Variants in RBFOX1 observed in about 807,000 individuals in gnomAD.
The protein encoded by RBFOX1 is RNA binding fox-1 homolog 1, also known as RNA binding protein fox-1 homolog 1.
In RBFOX1, 8 loss-of-function variants were observed where a neutral mutation model predicts 57.7. The observed-to-expected ratio is 0.14, with a 90% CI of 0.08 to 0.25. The LOEUF (loss-of-function observed/expected upper bound fraction) is 0.25, where lower values mean the gene tolerates loss of function less well. RBFOX1 is among the 10% of genes least tolerant of loss of function. The pLI is 1.00. For synonymous variants in RBFOX1, 326 were observed against 222.4 expected (o/e 1.47, Z -4.15); for missense variants, 611 against 548.5 (o/e 1.11, Z -1.14).
At chr16:6,149,949 G>A (rs1428123861) in intron 1 of RBFOX1, among the ~76,000 whole-genome samples, 1 of 152,160 alleles carries the variant, frequency 6.6e-6, no homozygotes, top group Non-Finnish European at 1.5e-5. Flanking sequence ...TTCAGATGGA[G>A]GTAAGAAAAT....
intron 3 of RBFOX1, among the ~76,000 whole-genome samples, chr16:5,831,737 A>T (rs762148876): frequency 7.2e-5 from 11 of 151,990 alleles, no homozygotes; most frequent in Non-Finnish European, 1.5e-4. Context: ...ACCTAGCCTA[A>T]ACCTCTTTTC....
chr16:6,964,205 G>C (rs930044112), intron 3 of RBFOX1, among the ~76,000 whole-genome samples: 3 of 151,918 alleles, frequency 2.0e-5, no homozygotes, highest in Non-Finnish European at 4.4e-5. Flanking sequence ...TTTTAGTAGA[G>C]ATGGGGTTTC....
At chr16:6,136,065 G>C (rs1441627254) in intron 1 of RBFOX1, among the ~76,000 whole-genome samples, 1 of 152,112 alleles carries the variant, frequency 6.6e-6, no homozygotes, top group Non-Finnish European at 1.5e-5. Context: ...AACGTGCTGG[G>C]ATTACAGGCT....
chr16:5,773,729 G>A (rs776727414), intron 3 of RBFOX1, among the ~76,000 whole-genome samples: 25 of 152,116 alleles, frequency 1.6e-4, no homozygotes, highest in East Asian at 1.5e-3. Flanking sequence ...ACAGAGTCTC[G>A]CTCTGTTGCC....
At chr16:7,123,305 A>G (rs1600177645) in intron 4 of RBFOX1, among the ~76,000 whole-genome samples, 1 of 152,306 alleles carries the variant, frequency 6.6e-6, no homozygotes, top group East Asian at 1.9e-4. Context: ...AACATTACAC[A>G]TTTAAAAATA....
chr16:7,046,394 C>T (rs1446921408), intron 3 of RBFOX1, among the ~76,000 whole-genome samples: 1 of 152,034 alleles, frequency 6.6e-6, no homozygotes, highest in African/African-American at 2.4e-5. Flanking sequence ...TATTTTGCCT[C>T]TTTAGTTGGA....
chr16:6,462,845 C>T (rs376206887), intron 2 of RBFOX1, among the ~76,000 whole-genome samples: 10 of 152,182 alleles, frequency 6.6e-5, no homozygotes, highest in Non-Finnish European at 8.8e-5. Context: ...ATGTTCTTGA[C>T]GACTAATTAT....
chr16:6,255,140 G>T (rs1335069454), intron 1 of RBFOX1, among the ~76,000 whole-genome samples: 1 of 152,090 alleles, frequency 6.6e-6, no homozygotes, highest in African/African-American at 2.4e-5. Flanking sequence ...AAAGTCTGTG[G>T]ATTAGAAGGG....
intron 4 of RBFOX1, among the ~76,000 whole-genome samples, chr16:7,307,343 A>G (rs887535249): frequency 7.2e-5 from 11 of 152,176 alleles, no homozygotes; most frequent in Non-Finnish European, 1.5e-4. Flanking sequence ...CTAAATTCTC[A>G]CAGATTTATC....
Position 6,318,191 on chromosome 16 carries a change from G to A in RBFOX1, c.-64+1134G>A, listed in dbSNP as rs141799437. Among the ~76,000 whole-genome samples, 54 of 152,300 alleles carry A rather than the reference G, an allele frequency of 3.5e-4. No homozygotes were observed. The East Asian group carries it at 9.1e-3, about 26-fold the overall frequency. Reference sequence around the variant, plus strand: ...GTTAGCTACATCAGAATGACTTAGCGTAACCCTGATCAGCTAACGCTTGTA... The same window carrying A: ...GTTAGCTACATCAGAATGACTTAGCATAACCCTGATCAGCTAACGCTTGTA... On this transcript the variant is annotated intron_variant, in intron 2 of 15. Transcript: ENST00000550418.
intron 4 of RBFOX1, among the ~76,000 whole-genome samples, chr16:7,218,889 G>A (rs1395581919): frequency 6.6e-6 from 1 of 152,138 alleles, no homozygotes; most frequent in Admixed American, 6.5e-5. Context: ...TGCATCGCAT[G>A]CAGTTAGCAT....
At chr16:5,628,771 A>G (rs1433346381) in intron 3 of RBFOX1, among the ~76,000 whole-genome samples, 3 of 152,194 alleles carry the variant, frequency 2.0e-5, no homozygotes, top group African/African-American at 7.2e-5. Context: ...TTATATCCCC[A>G]AGAAATATCA....
intron 2 of RBFOX1, among the ~76,000 whole-genome samples, chr16:5,539,994 A>G (rs561934003): frequency 6.6e-6 from 1 of 152,342 alleles, no homozygotes; most frequent in East Asian, 1.9e-4. Flanking sequence ...TTAGCATTTA[A>G]CCAAGATTTT....
At chr16:6,719,815 G>A (rs183421440) in intron 3 of RBFOX1, among the ~76,000 whole-genome samples, 10 of 152,070 alleles carry the variant, frequency 6.6e-5, no homozygotes, top group Middle Eastern at 3.4e-3. Context: ...AATGGAGCCC[G>A]GGCATGGCTG....
At chr16:6,775,452 T>G (rs993265718) in intron 3 of RBFOX1, among the ~76,000 whole-genome samples, 18 of 145,656 alleles carry the variant, frequency 1.2e-4, no homozygotes, top group Non-Finnish European at 4.5e-5. Flanking sequence ...TTGTCTTGCC[T>G]AATCCCAAAA....
At chr16:6,740,974 A>G (rs1368620482) in intron 3 of RBFOX1, among the ~76,000 whole-genome samples, 1 of 152,192 alleles carries the variant, frequency 6.6e-6, no homozygotes, top group African/African-American at 2.4e-5. Flanking sequence ...TCAAGACGTT[A>G]TGTAACTCCA....
chr16:7,696,585 AG>A (rs2078877755), intron 14 of RBFOX1, among the ~76,000 whole-genome samples: 1 of 152,296 alleles, frequency 6.6e-6, no homozygotes, highest in African/African-American at 2.4e-5. Context: ...TGTGGGTGTC[AG>A]GAACTGTTCT....
intron 4 of RBFOX1, among the ~76,000 whole-genome samples, chr16:7,480,917 C>A (rs886261550): frequency 2.0e-5 from 3 of 151,996 alleles, no homozygotes; most frequent in African/African-American, 7.2e-5. Flanking sequence ...GAGGGAGGGG[C>A]AGGGGTAGGG....
At chr16:7,630,768 TCCCTCTGCCCCA>T in intron 11 of RBFOX1, 85 bp downstream of exon 11, 1 of 1,566,062 alleles carries the variant, frequency 6.4e-7, no homozygotes, top group South Asian at 1.2e-5. Context: ...TCTCTCCCCC[TCCCTCTGCCCCA>T]CCCTCTCTTG....
Sources: allele counts gnomAD v4.1 joint callset (sites outside exome capture counted in the v4.1 genomes callset), GRCh38; gene constraint gnomAD v4.1.1; transcripts MANE v1.5; gene names NCBI Gene and HGNC (gene_info 2026-07-23, HGNC 2026-07-21).